Variants in AGMO observed in about 807,000 individuals in gnomAD.
The protein encoded by AGMO is alkylglycerol monooxygenase.
In AGMO, 75 loss-of-function variants were observed where a neutral mutation model predicts 60.2. That is an observed-to-expected ratio of 1.25 (90% CI 1.03 to 1.51). The LOEUF is 1.51. AGMO is among the 40% of genes most tolerant of loss of function. The pLI, the probability that AGMO is intolerant of heterozygous loss-of-function variation, is 0.00. For synonymous variants in AGMO, 261 were observed against 177.1 expected (o/e 1.47, Z -3.76); for missense variants, 763 against 525.5 (o/e 1.45, Z -4.42).
intron 12 of AGMO, among the ~76,000 whole-genome samples, chr7:15,263,764 G>T (rs1423227840): frequency 6.6e-6 from 1 of 152,106 alleles, no homozygotes; most frequent in African/African-American, 2.4e-5. Context: ...GTATTTTCAG[G>T]AACCTGGATG....
chr7:15,390,744 A>C lies in AGMO; in HGVS notation c.749T>G (p.Phe250Cys), dbSNP rs765412009. 3.7e-6 allele frequency: 6 copies of C among 1,608,986 alleles called. No individual in the cohort carries two copies. The East Asian group carries it at 9.0e-5, about 24-fold the overall frequency. Residue 250 changes from phenylalanine to cysteine, a missense_variant, in exon 8 of 13, where the codon TTT (phenylalanine) becomes TGT (cysteine). By Grantham distance (205) the Phe-to-Cys change is radical. Coordinates refer to ENST00000342526, the MANE Select transcript of AGMO (RefSeq NM_001004320.2). Reference protein sequence around the residue: ...LIIWDKIFGTFEAENEKVVYG... With the variant: ...LIIWDKIFGTCEAENEKVVYG... ...TACAACTTTTTCATTTTCTGCTTCAAATGTCCCTGGAAGATAAATATAAAG... is the reference window on the plus strand; with the variant it reads ...TACAACTTTTTCATTTTCTGCTTCACATGTCCCTGGAAGATAAATATAAAG...
At position 15,415,634 on chromosome 7, in the gene AGMO, C is replaced by T. The variant is rs377397176; in HGVS notation, c.609+2924G>A. Among the ~76,000 whole-genome samples the T allele has an allele frequency of 2.6e-5, 4 of 152,132 alleles. No homozygotes were observed. The East Asian group carries it at 5.8e-4, about 22-fold the overall frequency. On this transcript the variant is annotated intron_variant, in intron 5 of 12. Transcript: ENST00000342526. The stretch of plus-strand genomic sequence containing the variant: ...GCTACATTTCTCTACTCAAGCATTA[C>T]ATGATATATACATAAACAATGTGAT...
rs182493273 is a variant in AGMO, at chr7:15,336,191, C to T, written c.1263+29323G>A. On this transcript the variant is annotated intron_variant, in intron 12 of 12. Coordinates refer to ENST00000342526, the MANE Select transcript of AGMO (RefSeq NM_001004320.2). ...TACAGGTCATCTCTTCTAACACATTCAATTTCAATTTATAGCACAAATTAT... is the reference window on the plus strand; with the variant it reads ...TACAGGTCATCTCTTCTAACACATTTAATTTCAATTTATAGCACAAATTAT... Among the ~76,000 whole-genome samples, 906 of 152,130 alleles carry T rather than the reference C, an allele frequency of 6.0e-3. 8 individuals are homozygous for T. The highest frequency in any genetic ancestry group is 0.021 in the African/African-American group (854 of 41,496).
intron 3 of AGMO, among the ~76,000 whole-genome samples, chr7:15,529,669 A>ATATATAGAATATATATAG (rs1784243414): frequency 1.0e-5 from 1 of 97,092 alleles, no homozygotes; most frequent in African/African-American, 4.8e-5. Flanking sequence ...TATATATTCT[A>ATATATAGAATATATATAG]TATATATTCT....
chr7:15,158,651 A>G, the AGMO span, among the ~76,000 whole-genome samples: 1 of 152,210 alleles, frequency 6.6e-6, no homozygotes, highest in African/African-American at 2.4e-5. Context: ...GGCACAGAGA[A>G]CTTACAATAA....
At chr7:15,367,363 C>G (rs1025456115) in intron 10 of AGMO, among the ~76,000 whole-genome samples, 1 of 151,830 alleles carries the variant, frequency 6.6e-6, no homozygotes, top group Non-Finnish European at 1.5e-5. Context: ...TGAACATCTA[C>G]TATTTTACAG....
the AGMO span, among the ~76,000 whole-genome samples, chr7:15,118,886 T>C: frequency 3.8e-5 from 1 of 26,144 alleles, no homozygotes; most frequent in Non-Finnish European, 6.8e-5. Context: ...ATTTTTTTTT[T>C]TTTTTTTTTT....
chr7:15,266,350 T>C (rs1333989039), intron 12 of AGMO, among the ~76,000 whole-genome samples: 1 of 151,900 alleles, frequency 6.6e-6, no homozygotes, highest in Non-Finnish European at 1.5e-5. Context: ...TAAACAAAAA[T>C]TGTCAAGATG....
At chr7:15,275,313 A>G (rs1398864707) in intron 12 of AGMO, among the ~76,000 whole-genome samples, 1 of 152,104 alleles carries the variant, frequency 6.6e-6, no homozygotes, top group Non-Finnish European at 1.5e-5. Flanking sequence ...AAATTCAATC[A>G]AGAGCAAGTT....
At chr7:15,180,511 C>A in the AGMO span, among the ~76,000 whole-genome samples, 1 of 151,984 alleles carries the variant, frequency 6.6e-6, no homozygotes, top group African/African-American at 2.4e-5. Flanking sequence ...CTCACCAGAA[C>A]GCCTTTTACT....
At chr7:15,229,727 A>ATAT (rs375461225) in intron 12 of AGMO, among the ~76,000 whole-genome samples, 29,787 of 146,190 alleles carry the variant, frequency 0.2, 3,192 homozygotes, top group South Asian at 0.31. Flanking sequence ...ATTATATATA[A>ATAT]ATTATATATT....
Position 15,561,742 on chromosome 7 carries a change from T to C in AGMO, c.104A>G (p.Glu35Gly). Residue 35 changes from glutamate (E) to glycine (G), a missense_variant, in exon 1 of 13, where the codon GAG becomes GGG. Transcript: ENST00000342526. ...PSETSFQTLE[E>G]VPDYVKKATP... is the part of the protein sequence containing the mutation. ...CACCTTTTTTACATAATCAGGCACCTCTTCTAATGTTTGGAATGAAGTTTC... is the reference window on the plus strand; with the variant it reads ...CACCTTTTTTACATAATCAGGCACCCCTTCTAATGTTTGGAATGAAGTTTC... 6.2e-7 allele frequency: 1 copy of C among 1,608,932 alleles called. No homozygotes were observed. Among genetic ancestry groups the C allele is most frequent in the African/African-American group, 1.3e-5 (1 of 74,754 alleles).
At chr7:15,300,821 CTCT>C (rs1784543343) in intron 12 of AGMO, among the ~76,000 whole-genome samples, 1 of 152,276 alleles carries the variant, frequency 6.6e-6, no homozygotes, top group South Asian at 2.1e-4. Flanking sequence ...CAGCACTGAA[CTCT>C]AAAGCCAAAC....
intron 12 of AGMO, among the ~76,000 whole-genome samples, chr7:15,350,933 CTCT>C (rs1782215733): frequency 6.6e-6 from 1 of 152,092 alleles, no homozygotes; most frequent in East Asian, 1.9e-4. Context: ...TTTCTCCTTG[CTCT>C]TCTTGTTGTT....
intron 12 of AGMO, among the ~76,000 whole-genome samples, chr7:15,328,097 C>T (rs1205816473): frequency 6.6e-6 from 1 of 151,074 alleles, no homozygotes; most frequent in African/African-American, 2.4e-5. Flanking sequence ...TCCTTCCTTC[C>T]TTCTTTTCTT....
intron 12 of AGMO, 67 bp from the exon 13 acceptor site, chr7:15,201,426 T>A: frequency 8.8e-7 from 1 of 1,132,166 alleles, no homozygotes; most frequent in Non-Finnish European, 1.3e-6. Flanking sequence ...TCAACTGAAT[T>A]AAAAATATTT....
At chr7:15,270,485 G>C (rs991273981) in intron 12 of AGMO, among the ~76,000 whole-genome samples, 1 of 149,348 alleles carries the variant, frequency 6.7e-6, no homozygotes, top group Non-Finnish European at 1.5e-5. Context: ...TTTTTGTCTT[G>C]TTGACTTGTT....
rs1240809706 is a variant in AGMO at position 15,343,075 on chromosome 7, A to C, written c.1263+22439T>G. The stretch of plus-strand genomic sequence containing the variant: ...CAAGTGGAAAACCTTAAGAAAATTT[A>C]TACTTTTATATTTTCCTATAGCAAT... On this transcript the variant is annotated intron_variant, in intron 12 of 12. Coordinates refer to ENST00000342526, the MANE Select transcript of AGMO (RefSeq NM_001004320.2). Among the ~76,000 whole-genome samples the C allele has an allele frequency of 5.3e-5, 8 of 152,256 alleles. No individual in the cohort carries two copies. In the East Asian group the frequency reaches 1.5e-3, roughly 29 times the overall value.
At chr7:15,354,794 C>A (rs1011564758) in intron 12 of AGMO, among the ~76,000 whole-genome samples, 1 of 151,074 alleles carries the variant, frequency 6.6e-6, no homozygotes, top group East Asian at 2.0e-4. Flanking sequence ...TTACGTTTTA[C>A]GCTATTCCCT....
Sources: allele counts gnomAD v4.1 joint callset (sites outside exome capture counted in the v4.1 genomes callset), GRCh38; gene constraint gnomAD v4.1.1; transcripts MANE v1.5; gene names NCBI Gene and HGNC (gene_info 2026-07-23, HGNC 2026-07-21).